SS18L1: variants seen among roughly 807,000 people sequenced by gnomAD.
SS18L1 encodes calcium-responsive transactivator.
A neutral mutation model predicts 70.3 loss-of-function variants in SS18L1; 32 were observed. The ratio of observed to expected loss-of-function variants is 0.46; its 90% CI spans 0.34 to 0.61. SS18L1 has a LOEUF of 0.61. Among genes scored for constraint, SS18L1 ranks in the 20% least tolerant of loss-of-function variants. The pLI is 0.01. For missense variants in SS18L1, 430 were observed against 542.1 expected (o/e 0.79, Z 2.05); for synonymous variants, 237 against 229.7 (o/e 1.03, Z -0.29).
Position 62,158,270 on chromosome 20 carries a change from C to T in SS18L1, c.70-402C>T, listed in dbSNP as rs936523100. 2.6e-5 allele frequency among the ~76,000 whole-genome samples: 4 copies of T among 151,944 alleles called. No individual in the cohort carries two copies. The highest frequency in any genetic ancestry group is 7.3e-5 in the African/African-American group (3 of 41,352). ...TGTTTTCATTTGTGGGCTTAGATGG[C>T]CCTGCCGCTTACGGATGAAGTCCCC... On this transcript the variant is annotated intron_variant, in intron 1 of 10. Coordinates refer to ENST00000331758, the MANE Select transcript of SS18L1 (RefSeq NM_198935.3). This position sits in a 1 kb window ranked among gnomAD's most constrained non-coding sequence, Gnocchi z 4.5.
intron 1 of SS18L1, among the ~76,000 whole-genome samples, chr20:62,157,077 G>A (rs1452076658): frequency 6.6e-6 from 1 of 151,954 alleles, no homozygotes; most frequent in African/African-American, 2.4e-5. Flanking sequence ...TTGGGTCTCC[G>A]CGGGCCACCC....
chr20:62,151,637 AATC>A (rs1386939463), intron 1 of SS18L1, among the ~76,000 whole-genome samples: 1 of 152,132 alleles, frequency 6.6e-6, no homozygotes, highest in Non-Finnish European at 1.5e-5. Context: ...AGAACTAAGA[AATC>A]ATGTTTCAAC....
chr20:62,173,162 C>T (rs571615765), intron 9 of SS18L1, among the ~76,000 whole-genome samples: 120 of 152,362 alleles, frequency 7.9e-4, no homozygotes, highest in African/African-American at 2.8e-3. Flanking sequence ...GTGTATCCAT[C>T]ACCTGCACGC....
chr20:62,147,008 T>C (rs1440088196), intron 1 of SS18L1, among the ~76,000 whole-genome samples: 2 of 152,186 alleles, frequency 1.3e-5, no homozygotes, highest in African/African-American at 4.8e-5. Flanking sequence ...TTTATTTCAT[T>C]TTCAAATACC....
At chr20:62,156,870 A>G (rs1411144101) in intron 1 of SS18L1, among the ~76,000 whole-genome samples, 1 of 152,214 alleles carries the variant, frequency 6.6e-6, no homozygotes, top group Admixed American at 6.5e-5. Flanking sequence ...TGAGTGACCC[A>G]GCACGCTGTA....
At position 62,174,040 on chromosome 20, in the gene SS18L1, CTCTA is replaced by C. The variant is rs1243091520; in HGVS notation, c.1037-474_1037-471del. Among the ~76,000 whole-genome samples the C allele has an allele frequency of 6.6e-6, 1 of 151,934 alleles. No individual in the cohort carries two copies. Among genetic ancestry groups the C allele is most frequent in the East Asian group, 1.9e-4 (1 of 5,186 alleles). On this transcript the variant is annotated intron_variant, in intron 9 of 10. Transcript: ENST00000331758. This position sits in a 1 kb window ranked among gnomAD's most constrained non-coding sequence, Gnocchi z 4.1. ...CCTAAAAAAAAAAAAAAAAATTGGC[CTCTA>C]TCAGTTCTTGCCGGAGCCTTTGACT...
At chr20:62,169,831 AC>A (rs1007382563) in intron 8 of SS18L1, among the ~76,000 whole-genome samples, 2 of 146,576 alleles carry the variant, frequency 1.4e-5, no homozygotes, top group African/African-American at 5.3e-5. Context: ...AAAGGACCTC[AC>A]TTTATGGCTG....
chr20:62,149,680 T>C (rs2057093157), intron 1 of SS18L1, among the ~76,000 whole-genome samples: 1 of 152,196 alleles, frequency 6.6e-6, no homozygotes, highest in South Asian at 2.1e-4. Flanking sequence ...ATAGCCTGTA[T>C]GGGTAAGGCA....
chr20:62,166,981 TG>T (rs1310016959), intron 8 of SS18L1, among the ~76,000 whole-genome samples: 2 of 150,848 alleles, frequency 1.3e-5, no homozygotes, highest in Non-Finnish European at 2.9e-5. Context: ...GGCTTACGCC[TG>T]TAATCCCAGC....
intron 6 of SS18L1, among the ~76,000 whole-genome samples, chr20:62,163,887 C>T (rs534348969): frequency 6.6e-6 from 1 of 152,174 alleles, no homozygotes. Flanking sequence ...AGGCCGGGCT[C>T]ATGCCTGTAG....
In SS18L1 at chr20:62,158,590, C is replaced by G. The variant is rs757986154; in HGVS notation, c.70-82C>G. 3.2e-4 allele frequency: 497 copies of G among 1,554,814 alleles called. 1 individual carries two copies. The highest frequency in any genetic ancestry group is 5.9e-4 in the South Asian group (51 of 87,088). On this transcript the variant is annotated intron_variant, in intron 1 of 10. Coordinates refer to ENST00000331758, the MANE Select transcript of SS18L1 (RefSeq NM_198935.3). This position sits in a 1 kb window ranked among gnomAD's most constrained non-coding sequence, Gnocchi z 4.5. ...AAGGGACGCTCAACCTATATGAAAA[C>G]TAGATGTGTAGCGATGGCTGTTCAT...
chr20:62,173,250 C>CT (rs1335605820), intron 9 of SS18L1, among the ~76,000 whole-genome samples: 70 of 152,304 alleles, frequency 4.6e-4, no homozygotes, highest in Middle Eastern at 3.4e-3. Context: ...CTTACAATCA[C>CT]CCAGGAAACT....
At position 62,179,297 on chromosome 20, in the gene SS18L1, G is replaced by A. The variant is rs2057673499; in HGVS notation, c.*89G>A. 1.3e-6 allele frequency: 2 copies of A among 1,481,532 alleles called. No individual in the cohort carries two copies. Among genetic ancestry groups the A allele is most frequent in the East Asian group, 4.5e-5 (2 of 44,268 alleles). 91.8% of individuals were successfully genotyped at this position (1,481,532 alleles called of 1,614,324 possible). On this transcript the variant is annotated 3_prime_UTR_variant, in exon 11 of 11. Coordinates refer to ENST00000331758, the MANE Select transcript of SS18L1 (RefSeq NM_198935.3). ...CGGCAGCTCTGGTGAATTGTGACAT[G>A]TTGGTTACCTGTTCGCCCAGTGCCA...
At chr20:62,169,429 C>T (rs946322571) in intron 8 of SS18L1, among the ~76,000 whole-genome samples, 3 of 152,156 alleles carry the variant, frequency 2.0e-5, no homozygotes, top group Non-Finnish European at 2.9e-5. Context: ...GGTATGAGTC[C>T]GTCTGTATGT....
chr20:62,174,391 G>C lies in SS18L1; in HGVS notation c.1037-126G>C, dbSNP rs1337528618. The C allele has an allele frequency of 2.1e-6, 3 of 1,441,348 alleles. No individual in the cohort carries two copies. Among genetic ancestry groups the C allele is most frequent in the Admixed American group, 5.3e-5 (2 of 37,396 alleles). The allele number at this position is 1,441,348 out of a possible 1,614,324, so 89.3% of individuals were successfully genotyped here. On this transcript the variant is annotated intron_variant, in intron 9 of 10. Coordinates refer to ENST00000331758, the MANE Select transcript of SS18L1 (RefSeq NM_198935.3). The surrounding 1 kb of genome is among the most constrained non-coding windows in gnomAD (Gnocchi z 4.1). ...CAGGTGTTCTGGAGATTGACAAAAGGCTGATGCATTGAGACGGGAATTTTT... is the reference window on the plus strand; with the variant it reads ...CAGGTGTTCTGGAGATTGACAAAAGCCTGATGCATTGAGACGGGAATTTTT...
At chr20:62,175,263 G>A (rs1601059145) in intron 10 of SS18L1, 3 of 985,308 alleles carry the variant, frequency 3.0e-6, no homozygotes, top group Non-Finnish European at 3.6e-6. Flanking sequence ...GGAAGAGCGG[G>A]AGCTCTCGGG....
rs755828983 is a variant in SS18L1, at chr20:62,162,926, A to C, written c.551A>C (p.Asn184Thr). The change falls in exon 5 of 11, where the codon AAC (asparagine) becomes ACC (threonine). Residue 184 changes from asparagine to threonine, a missense_variant. Coordinates refer to ENST00000331758, the MANE Select transcript of SS18L1 (RefSeq NM_198935.3). ...VSRTNINMQS[N>T]PVSMMQQQAA... is the part of the protein sequence containing the mutation. ...CGGACCAACATCAACATGCAGTCCA[A>C]CCCAGGTACCTACTCTGCCTCTGCA... 3.1e-5 allele frequency: 50 copies of C among 1,611,278 alleles called. No homozygotes were observed. Among genetic ancestry groups the C allele is most frequent in the Non-Finnish European group, 3.8e-5 (45 of 1,179,690 alleles).
chr20:62,150,973 A>G (rs946684083), intron 1 of SS18L1, among the ~76,000 whole-genome samples: 1 of 152,022 alleles, frequency 6.6e-6, no homozygotes, highest in African/African-American at 2.4e-5. Context: ...AAGGTTCCAA[A>G]AGTCTTTGTA....
At chr20:62,167,164 G>T (rs7263941) in intron 8 of SS18L1, among the ~76,000 whole-genome samples, 13,190 of 146,538 alleles carry the variant, frequency 0.09, 1,900 homozygotes, top group African/African-American at 0.31. Context: ...TCCTGCCTCA[G>T]CCTCTTGAGT....
Sources: gnomAD v4.1 joint callset for allele counts (sites outside exome capture counted in the v4.1 genomes callset) on GRCh38, gnomAD v4.1.1 for gene constraint, Gnocchi (gnomAD v3.1) non-coding constraint, MANE v1.5 for transcripts, NCBI Gene and HGNC (gene_info 2026-07-23, HGNC 2026-07-21) for gene names.